The following CBLB variants were observed in gnomAD, a reference collection of about 807,000 sequenced individuals.
The protein encoded by CBLB is E3 ubiquitin-protein ligase CBL-B.
Under a neutral mutation model 104.9 loss-of-function variants are expected in CBLB, and 31 were observed. The ratio of observed to expected loss-of-function variants is 0.30; its 90% CI spans 0.22 to 0.40. CBLB has a LOEUF of 0.40. CBLB is among the 10% of genes least tolerant of loss of function. The pLI is 1.00. For synonymous variants in CBLB, 440 were observed against 422.6 expected (o/e 1.04, Z -0.51); for missense variants, 1,062 against 1,214.6 (o/e 0.87, Z 1.87).
intron 3 of CBLB, among the ~76,000 whole-genome samples, chr3:105,800,143 C>T (rs986045735): frequency 1.3e-5 from 2 of 152,144 alleles, no homozygotes; most frequent in Non-Finnish European, 2.9e-5. Context: ...AATTCCTCAT[C>T]TGAAAAACAG....
chr3:105,697,946 TAAAAC>T (rs1042987269), intron 12 of CBLB, among the ~76,000 whole-genome samples: 22 of 152,054 alleles, frequency 1.4e-4, no homozygotes, highest in Admixed American at 7.9e-4. Flanking sequence ...CTCAGATAAT[TAAAAC>T]AAACCACCAA....
At chr3:105,795,334 C>T (rs537428930) in intron 3 of CBLB, among the ~76,000 whole-genome samples, 2 of 152,312 alleles carry the variant, frequency 1.3e-5, no homozygotes, top group Non-Finnish European at 2.9e-5. Context: ...ATCTCACCAT[C>T]ATAATGTTGA....
intron 10 of CBLB, among the ~76,000 whole-genome samples, chr3:105,716,852 T>C (rs1576567953): frequency 6.6e-6 from 1 of 152,258 alleles, no homozygotes; most frequent in Middle Eastern, 3.4e-3. Context: ...AGATCATCAT[T>C]CTACTCTTTG....
At chr3:105,853,721 A>T in intron 2 of CBLB, 57 bp from the exon 3 acceptor site, 4 of 1,235,712 alleles carry the variant, frequency 3.2e-6, no homozygotes, top group Non-Finnish European at 4.5e-6. Context: ...CAGAAAAATT[A>T]AAAAGTTAGA....
At chr3:105,857,866 C>T (rs1478838999) in intron 2 of CBLB, among the ~76,000 whole-genome samples, 1 of 152,108 alleles carries the variant, frequency 6.6e-6, no homozygotes, top group Non-Finnish European at 1.5e-5. Flanking sequence ...GAATTTAGTG[C>T]TATGATGGAG....
Position 105,693,507 on chromosome 3 carries a change from G to A in CBLB, c.2041C>T (p.Leu681Phe), listed in dbSNP as rs2152757167. The A allele has an allele frequency of 2.5e-6, 4 of 1,607,482 alleles. No homozygotes were observed. Among genetic ancestry groups the A allele is most frequent in the South Asian group, 2.2e-5 (2 of 90,920 alleles). The change falls in exon 13 of 19, where the codon CTC (leucine) becomes TTC (phenylalanine). Residue 681 changes from leucine to phenylalanine, a missense_variant. Leu to Phe is a conservative substitution (Grantham distance 22, BLOSUM62 0). This residue lies in a region of CBLB where 605 missense variants were observed against 582.6 expected (regional missense o/e 1.04). Coordinates refer to ENST00000394030, the MANE Select transcript of CBLB (RefSeq NM_170662.5). ...AACAAAACTCACTTTATGCTAGGGA[G>A]GAGGGTGGTAACTGGAGGAGGAGGA... ...LSPPPPVTTL[L>F]PSIKCTGPLA...
chr3:105,692,579 T>C (rs2067845087), intron 13 of CBLB, among the ~76,000 whole-genome samples: 1 of 152,034 alleles, frequency 6.6e-6, no homozygotes, highest in Non-Finnish European at 1.5e-5. Flanking sequence ...CCAGATATAA[T>C]TACAGGGCAA....
chr3:105,701,033 TC>T (rs2069022929), intron 12 of CBLB, among the ~76,000 whole-genome samples: 1 of 152,156 alleles, frequency 6.6e-6, no homozygotes, highest in African/African-American at 2.4e-5. Context: ...AAGGCCTCCA[TC>T]AGCAGAGGGA....
chr3:105,841,961 A>G (rs1239474757), intron 3 of CBLB, among the ~76,000 whole-genome samples: 2 of 152,026 alleles, frequency 1.3e-5, no homozygotes, highest in Non-Finnish European at 2.9e-5. Flanking sequence ...TTATCCTTTC[A>G]GGAACATTTG....
chr3:105,678,688 G>T, intron 16 of CBLB, 117 bp from the exon 17 acceptor site: 2 of 1,184,968 alleles, frequency 1.7e-6, no homozygotes, highest in Non-Finnish European at 2.4e-6. Context: ...TCACTCGCAG[G>T]GTTTATCCAG....
intron 3 of CBLB, among the ~76,000 whole-genome samples, chr3:105,850,028 CTT>C (rs1421478708): frequency 6.6e-6 from 1 of 152,060 alleles, no homozygotes; most frequent in Non-Finnish European, 1.5e-5. Context: ...TCAAATTCCT[CTT>C]GTTATTCCTG....
intron 3 of CBLB, among the ~76,000 whole-genome samples, chr3:105,833,682 T>C (rs898990474): frequency 6.6e-6 from 1 of 151,972 alleles, no homozygotes; most frequent in Non-Finnish European, 1.5e-5. Context: ...ATTTGAATAA[T>C]TTTATTATTA....
At chr3:105,861,212 G>A (rs911254024) in intron 2 of CBLB, among the ~76,000 whole-genome samples, 1 of 151,934 alleles carries the variant, frequency 6.6e-6, no homozygotes, top group African/African-American at 2.4e-5. Flanking sequence ...TAGCACTGTG[G>A]CATCCTCTAA....
At chr3:105,862,440 A>G (rs570527568) in intron 2 of CBLB, among the ~76,000 whole-genome samples, 1 of 152,200 alleles carries the variant, frequency 6.6e-6, no homozygotes, top group East Asian at 1.9e-4. Context: ...TTCATCCTCT[A>G]ATTCTAAGGG....
At chr3:105,757,850 T>C (rs1340467396) in intron 4 of CBLB, among the ~76,000 whole-genome samples, 1 of 152,168 alleles carries the variant, frequency 6.6e-6, no homozygotes, top group African/African-American at 2.4e-5. Flanking sequence ...AAAGAAAATA[T>C]GTTCTATATT....
At chr3:105,720,700 T>A (rs1015743006) in intron 9 of CBLB, among the ~76,000 whole-genome samples, 1 of 152,200 alleles carries the variant, frequency 6.6e-6, no homozygotes, top group Non-Finnish European at 1.5e-5. Context: ...ACAATACTTG[T>A]GCATCTAACT....
intron 2 of CBLB, among the ~76,000 whole-genome samples, chr3:105,856,772 G>T (rs1309045312): frequency 6.6e-6 from 1 of 152,044 alleles, no homozygotes; most frequent in Admixed American, 6.6e-5. Flanking sequence ...CTAAATAACA[G>T]CAAATCTTTA....
At chr3:105,827,948 G>T (rs1331457778) in intron 3 of CBLB, among the ~76,000 whole-genome samples, 1 of 152,152 alleles carries the variant, frequency 6.6e-6, no homozygotes, top group African/African-American at 2.4e-5. Flanking sequence ...TGTCAGCATG[G>T]TAATGTATTT....
Position 105,783,777 on chromosome 3 carries a change from G to C in CBLB, c.420-7235C>G, listed in dbSNP as rs565619929. 1.7e-3 allele frequency among the ~76,000 whole-genome samples: 252 copies of C among 152,266 alleles called. 1 individual carries two copies. Among genetic ancestry groups the C allele is most frequent in the African/African-American group, 4.5e-3 (185 of 41,540 alleles). On this transcript the variant is annotated intron_variant, in intron 3 of 18. Transcript: ENST00000394030. ...TTCTGGCCAAAATGCAGCTAGTCCT[G>C]CAACTGGTAGCTACAGCAGAGTGAA...
Sources: allele counts gnomAD v4.1 joint callset (sites outside exome capture counted in the v4.1 genomes callset), GRCh38; gene constraint gnomAD v4.1.1; regional missense constraint gnomAD v4.1.1; transcripts MANE v1.5; gene names NCBI Gene and HGNC (gene_info 2026-07-23, HGNC 2026-07-21).